Variants in KIZ observed in about 807,000 individuals in gnomAD.
KIZ encodes kizuna centrosomal protein.
In KIZ, 68 loss-of-function variants were observed where a neutral mutation model predicts 79.6. That is an observed-to-expected ratio of 0.85 (90% confidence interval 0.70 to 1.05). The LOEUF is 1.05. Ranked by LOEUF, KIZ falls within the 50% of genes least tolerant of loss-of-function variation. The probability of loss-of-function intolerance (pLI) is 0.00; values close to 1 mark genes in which losing one functional copy is unlikely to be tolerated. For synonymous variants in KIZ, 280 were observed against 281.8 expected, an observed-to-expected ratio of 0.99 and a Z score of 0.06; for missense variants, 797 against 800.4, an observed-to-expected ratio of 1.00 and a Z score of 0.05.
chr20:21,169,082 T>C (rs1480331163), intron 6 of KIZ, among the ~76,000 whole-genome samples: 2 of 151,974 alleles, frequency 1.3e-5, no homozygotes, highest in South Asian at 2.1e-4. Context: ...AATTGACAAA[T>C]GGGATCTAAT....
At chr20:21,148,233 C>G (rs1357931028) in intron 4 of KIZ, among the ~76,000 whole-genome samples, 1 of 152,046 alleles carries the variant, frequency 6.6e-6, no homozygotes, top group Non-Finnish European at 1.5e-5. Flanking sequence ...GGTGATCATT[C>G]TGAATTATAA....
chr20:21,204,105 G>GTTT (rs71330816), intron 6 of KIZ, among the ~76,000 whole-genome samples: 12 of 74,996 alleles, frequency 1.6e-4, no homozygotes, highest in African/African-American at 2.2e-4. Context: ...AGTCATCTAT[G>GTTT]TTTTTTTTTT....
chr20:21,173,593 A>AAAAG lies in KIZ; in HGVS notation c.1352+10441_1352+10444dup, dbSNP rs75622636. 7.7e-4 allele frequency among the ~76,000 whole-genome samples: 111 copies of AAAAG among 144,072 alleles called. 1 individual carries two copies. The highest frequency in any genetic ancestry group is 3.5e-3 in the Middle Eastern group (1 of 286). The allele number at this position is 144,072 out of a possible 152,430, so 94.5% of individuals were successfully genotyped here. ...ATGCCGTCTCAAAAAAAAAAAAAAA[A>AAAAG]AAAGAAAGAACCAGCTGGATTCTTT... On this transcript the variant is annotated intron_variant, in intron 6 of 12. Coordinates refer to ENST00000619189, the MANE Select transcript of KIZ (RefSeq NM_018474.6).
chr20:21,152,614 G>A (rs527752359), intron 4 of KIZ, among the ~76,000 whole-genome samples: 27 of 152,268 alleles, frequency 1.8e-4, no homozygotes, highest in African/African-American at 6.5e-4. Context: ...ACAGTTTTAG[G>A]TATTTGTTAA....
At chr20:21,179,372 G>C (rs1166604499) in intron 6 of KIZ, among the ~76,000 whole-genome samples, 1 of 151,500 alleles carries the variant, frequency 6.6e-6, no homozygotes, top group Non-Finnish European at 1.5e-5. Flanking sequence ...GTTTGTAATA[G>C]TTTATATAGT....
intron 4 of KIZ, among the ~76,000 whole-genome samples, chr20:21,152,028 G>A (rs117696722): frequency 0.016 from 2,487 of 152,250 alleles, 27 homozygotes; most frequent in Non-Finnish European, 0.025. Context: ...TCTGGGCAGC[G>A]TCCAAGGAAT....
At chr20:21,170,453 A>T (rs1021384560) in intron 6 of KIZ, among the ~76,000 whole-genome samples, 1 of 149,714 alleles carries the variant, frequency 6.7e-6, no homozygotes, top group African/African-American at 2.5e-5. Context: ...CAGTGGCACG[A>T]TCTCAGCTCA....
At position 21,217,730 on chromosome 20, in the gene KIZ, C is replaced by T. The variant is rs117243329; in HGVS notation, c.1678+2082C>T. 9.6e-3 allele frequency among the ~76,000 whole-genome samples: 1,464 copies of T among 152,216 alleles called. 12 individuals are homozygous for T. Among genetic ancestry groups the T allele is most frequent in the Non-Finnish European group, 0.016 (1,066 of 68,026 alleles). ...TTAAATGAAATCATTTGTGAAAGTG[C>T]CAAGCAGATACTAGACACTCAATTT... On this transcript the variant is annotated intron_variant, in intron 9 of 12. Transcript: ENST00000619189.
chr20:21,213,089 C>T (rs1295777278), intron 7 of KIZ, among the ~76,000 whole-genome samples: 2 of 152,332 alleles, frequency 1.3e-5, no homozygotes, highest in South Asian at 2.1e-4. Flanking sequence ...ATCCCCCAAT[C>T]AGCTACTCCA....
chr20:21,184,097 G>T (rs895435971), intron 6 of KIZ, among the ~76,000 whole-genome samples: 2 of 152,040 alleles, frequency 1.3e-5, no homozygotes, highest in African/African-American at 4.8e-5. Context: ...TTCTGTTAAT[G>T]GTTGCCAGGT....
Position 21,232,751 on chromosome 20 carries a change from G to A in KIZ, c.1801G>A (p.Gly601Ser), listed in dbSNP as rs755436546. 1.7e-5 allele frequency: 27 copies of A among 1,580,502 alleles called. No homozygotes were observed. Among genetic ancestry groups the A allele is most frequent in the East Asian group, 1.1e-4 (5 of 44,448 alleles). The change falls in exon 11 of 13, where the codon GGT (glycine) becomes AGT (serine). Residue 601 changes from glycine (G) to serine (S), a missense_variant. Physicochemically the swap from Gly to Ser is moderately conservative, Grantham distance 56. Transcript: ENST00000619189. ...SHLSGLNIGSGAFETKTANKI... is the reference protein window; with the variant it reads ...SHLSGLNIGSSAFETKTANKI... ...TATCACAGGTTTGAATATTGGCAGC[G>A]GTGCATTCGAGACAAAGACAGCTAA... is the stretch of plus-strand genomic sequence containing the variant.
At position 21,187,539 on chromosome 20, in the gene KIZ, C is replaced by T. The variant is rs189965955; in HGVS notation, c.1353-17952C>T. On this transcript the variant is annotated intron_variant, in intron 6 of 12. Coordinates refer to ENST00000619189, the MANE Select transcript of KIZ (RefSeq NM_018474.6). ...AATTCAGTAAGCCTATCCACCGTGC[C>T]ATCATGCCTTCTTGTTTCCCTTCTC... Among the ~76,000 whole-genome samples the T allele has an allele frequency of 1.4e-3, 211 of 152,304 alleles. 1 individual carries two copies. Among genetic ancestry groups the T allele is most frequent in the Non-Finnish European group, 1.9e-3 (126 of 68,014 alleles).
intron 6 of KIZ, among the ~76,000 whole-genome samples, chr20:21,186,968 A>G (rs2034899232): frequency 6.6e-6 from 1 of 152,306 alleles, no homozygotes; most frequent in African/African-American, 2.4e-5. Context: ...TCAGTTTAAT[A>G]CAGGGCAGGT....
chr20:21,161,382 A>C (rs1190088999), intron 4 of KIZ, among the ~76,000 whole-genome samples: 2 of 152,158 alleles, frequency 1.3e-5, no homozygotes, highest in African/African-American at 4.8e-5. Flanking sequence ...TCCAGGCTGG[A>C]GTGCAGTGGC....
chr20:21,162,132 A>G lies in KIZ; in HGVS notation c.667A>G (p.Asn223Asp). ...CACACAGTGCTTAAATAAGTCTGAC[A>G]ACATAGATGGAAAGGCATCTCTTCA... ...NDTQCLNKSD[N>D]IDGKASLQIG... Residue 223 changes from asparagine to aspartate, a missense_variant, in exon 5 of 13, where the codon AAC becomes GAC. By Grantham distance (23) the Asn-to-Asp change is conservative (BLOSUM62 1). Transcript: ENST00000619189. The G allele has an allele frequency of 6.2e-7, 1 of 1,611,360 alleles. No individual in the cohort carries two copies. The highest frequency in any genetic ancestry group is 8.5e-7 in the Non-Finnish European group (1 of 1,178,664).
chr20:21,244,893 G>C (rs991193185), intron 12 of KIZ: 1 of 152,836 alleles, frequency 6.5e-6, no homozygotes, highest in African/African-American at 2.4e-5. Flanking sequence ...GCCACAGTCA[G>C]CTTTTTTCAG....
At chr20:21,216,986 C>T (rs2036317860) in intron 9 of KIZ, among the ~76,000 whole-genome samples, 1 of 152,168 alleles carries the variant, frequency 6.6e-6, no homozygotes, top group African/African-American at 2.4e-5. Flanking sequence ...AATCCCTTCT[C>T]ATGCAGAAGT....
At chr20:21,126,230 G>C (rs931877776) in intron 1 of KIZ, 26 bp downstream of exon 1, 14 of 1,343,268 alleles carry the variant, frequency 1.0e-5, no homozygotes, top group South Asian at 1.6e-5. Context: ...CGGGGGTGGG[G>C]AGTCGGCCCG....
At chr20:21,168,835 G>T (rs1279866209) in intron 6 of KIZ, among the ~76,000 whole-genome samples, 1 of 152,184 alleles carries the variant, frequency 6.6e-6, no homozygotes, top group Non-Finnish European at 1.5e-5. Context: ...AATGGGGAAA[G>T]GATCCCCTAT....
Sources: gnomAD v4.1 joint callset for allele counts (sites outside exome capture counted in the v4.1 genomes callset) on GRCh38, gnomAD v4.1.1 for gene constraint, MANE v1.5 for transcripts, NCBI Gene and HGNC (gene_info 2026-07-23, HGNC 2026-07-21) for gene names.